Variants in TNFSF13B observed in about 807,000 individuals in gnomAD.
TNFSF13B encodes the protein TNF superfamily member 13b, also known as tumor necrosis factor ligand superfamily member 13B.
TNFSF13B carries 8 observed loss-of-function variants against 29.1 expected under a neutral mutation model. That is an observed-to-expected ratio of 0.27 (90% CI 0.16 to 0.50). The LOEUF (loss-of-function observed/expected upper bound fraction) is 0.50. TNFSF13B is among the 20% of genes least tolerant of loss of function. The pLI is 0.98. For missense variants in TNFSF13B, 248 were observed against 334.9 expected (o/e 0.74, Z 2.03); for synonymous variants, 125 against 130.8 (o/e 0.96, Z 0.30).
At chr13:108,304,701 A>G (rs1881722008) in intron 5 of TNFSF13B, among the ~76,000 whole-genome samples, 1 of 152,208 alleles carries the variant, frequency 6.6e-6, no homozygotes, top group South Asian at 2.1e-4. Context: ...GAGGCTGGCT[A>G]TGCATTTTGA....
chr13:108,294,273 G>A (rs1881405884), intron 3 of TNFSF13B, among the ~76,000 whole-genome samples: 1 of 151,190 alleles, frequency 6.6e-6, no homozygotes, highest in South Asian at 2.1e-4. Flanking sequence ...TCTGCCTCCT[G>A]GGTTCAAGTG....
In TNFSF13B at chr13:108,270,147, G is replaced by C. The variant is rs1420493605; in HGVS notation, c.252G>C (p.Gln84His). The change falls in exon 1 of 6, where the codon CAG (glutamine) becomes CAC (histidine). Residue 84 changes from glutamine to histidine, a missense_variant. Around this residue, in one of 2 missense-constraint regions of TNFSF13B, gnomAD observed 186 missense variants for 196.3 expected, o/e 0.95. Transcript: ENST00000375887. Reference sequence around the variant, plus strand: ...TGGCCAGCCTCCGGGCAGAGCTGCAGGGCCACCACGCGGAGAAGCTGCCAG... The same window carrying C: ...TGGCCAGCCTCCGGGCAGAGCTGCACGGCCACCACGCGGAGAAGCTGCCAG... ...GDLASLRAEL[Q>H]GHHAEKLPAG... The C allele has an allele frequency of 6.2e-7, 1 of 1,602,116 alleles. No individual in the cohort carries two copies.
chr13:108,286,725 TG>T, intron 2 of TNFSF13B, 77 bp from the exon 3 acceptor site: 1 of 853,282 alleles, frequency 1.2e-6, no homozygotes, highest in Non-Finnish European at 1.8e-6. Context: ...TCTGGAAGAG[TG>T]GGTTTCTAGC....
chr13:108,298,789 T>A (rs1452527531), intron 3 of TNFSF13B, among the ~76,000 whole-genome samples: 2 of 144,998 alleles, frequency 1.4e-5, no homozygotes, highest in African/African-American at 2.6e-5. Flanking sequence ...CTGGCCAATA[T>A]GGTGAAACCC....
chr13:108,300,455 A>C (rs891323061), intron 3 of TNFSF13B, among the ~76,000 whole-genome samples: 7 of 152,132 alleles, frequency 4.6e-5, no homozygotes, highest in Non-Finnish European at 5.9e-5. Flanking sequence ...TCATTAAACT[A>C]TGAAAGCAAC....
intron 5 of TNFSF13B, among the ~76,000 whole-genome samples, chr13:108,305,162 A>G (rs1325087787): frequency 1.3e-5 from 2 of 152,070 alleles, no homozygotes; most frequent in Non-Finnish European, 2.9e-5. Context: ...TATGAGTACC[A>G]TCCTCTAGTA....
chr13:108,270,019 T>G lies in TNFSF13B; in HGVS notation c.124T>G (p.Ser42Ala). The G allele has an allele frequency of 6.2e-7, 1 of 1,612,716 alleles. No individual in the cohort carries two copies. Among genetic ancestry groups the G allele is most frequent in the Non-Finnish European group, 8.5e-7 (1 of 1,179,990 alleles). Reference protein sequence around the residue: ...PRKESPSVRSSKDGKLLAATL... With the variant: ...PRKESPSVRSAKDGKLLAATL... ...GAAGGAAAGCCCCTCTGTCCGATCC[T>G]CCAAAGACGGAAAGCTGCTGGCTGC... The change falls in exon 1 of 6, where the codon TCC (serine) becomes GCC (alanine). Residue 42 changes from serine (S) to alanine (A), a missense_variant. Coordinates refer to ENST00000375887, the MANE Select transcript of TNFSF13B (RefSeq NM_006573.5).
intron 2 of TNFSF13B, among the ~76,000 whole-genome samples, chr13:108,271,139 G>A (rs1172578153): frequency 1.3e-5 from 2 of 151,832 alleles, no homozygotes; most frequent in African/African-American, 2.4e-5. Flanking sequence ...CAAAATGATC[G>A]ATTCTAGTTC....
intron 3 of TNFSF13B, among the ~76,000 whole-genome samples, chr13:108,293,175 G>T (rs1414199859): frequency 1.3e-5 from 2 of 152,046 alleles, no homozygotes; most frequent in Admixed American, 1.3e-4. Flanking sequence ...TGTTGAAGAA[G>T]ATGATTTCTT....
chr13:108,296,538 T>A (rs1881462645), intron 3 of TNFSF13B, among the ~76,000 whole-genome samples: 1 of 145,374 alleles, frequency 6.9e-6, no homozygotes, highest in South Asian at 2.1e-4. Flanking sequence ...AGATCATGAG[T>A]TTGGGCTTTT....
intron 2 of TNFSF13B, among the ~76,000 whole-genome samples, chr13:108,273,188 C>A (rs995765140): frequency 2.6e-5 from 4 of 151,902 alleles, no homozygotes; most frequent in Non-Finnish European, 5.9e-5. Flanking sequence ...CACAGTTGAG[C>A]CTTGAACAAC....
intron 3 of TNFSF13B, among the ~76,000 whole-genome samples, chr13:108,288,329 T>A (rs553159103): frequency 6.6e-6 from 1 of 152,190 alleles, no homozygotes; most frequent in Non-Finnish European, 1.5e-5. Context: ...GACTAAAATA[T>A]GCACAAATGC....
intron 2 of TNFSF13B, among the ~76,000 whole-genome samples, chr13:108,272,050 C>G (rs1566396552): frequency 6.6e-6 from 1 of 152,066 alleles, no homozygotes; most frequent in East Asian, 1.9e-4. Flanking sequence ...ATGTGGTGTA[C>G]CGGTTCTCCA....
At chr13:108,290,972 TCA>T (rs1435964244) in intron 3 of TNFSF13B, among the ~76,000 whole-genome samples, 1 of 151,988 alleles carries the variant, frequency 6.6e-6, no homozygotes, top group Non-Finnish European at 1.5e-5. Context: ...TGTGAGGGCA[TCA>T]CAGTCTTTTT....
intron 2 of TNFSF13B, among the ~76,000 whole-genome samples, chr13:108,271,414 G>C (rs1019684763): frequency 7.1e-6 from 1 of 140,782 alleles, no homozygotes; most frequent in East Asian, 2.3e-4. Context: ...CATAAGAAAT[G>C]TAGTGAGAGA....
chr13:108,279,785 G>A (rs1464174375), intron 2 of TNFSF13B, among the ~76,000 whole-genome samples: 1 of 152,150 alleles, frequency 6.6e-6, no homozygotes. Context: ...AATTTAGGCT[G>A]CTATGCTCCT....
intron 5 of TNFSF13B, among the ~76,000 whole-genome samples, 176 bp downstream of exon 5, chr13:108,303,780 T>C (rs545474041): frequency 6.6e-6 from 1 of 152,320 alleles, no homozygotes; most frequent in African/African-American, 2.4e-5. Flanking sequence ...CTGTTTTAAT[T>C]GAGAAAGATG....
intron 3 of TNFSF13B, among the ~76,000 whole-genome samples, chr13:108,290,608 T>C (rs187304251): frequency 1.3e-5 from 2 of 152,278 alleles, no homozygotes; most frequent in East Asian, 3.9e-4. Context: ...GAGCCATCTG[T>C]TCATATTTTT....
At chr13:108,296,883 C>G (rs957622470) in intron 3 of TNFSF13B, among the ~76,000 whole-genome samples, 1 of 145,194 alleles carries the variant, frequency 6.9e-6, no homozygotes, top group Non-Finnish European at 1.5e-5. Context: ...GTTATTGTCA[C>G]AAAATATACG....
Sources: gnomAD v4.1 joint callset for allele counts (sites outside exome capture counted in the v4.1 genomes callset) on GRCh38, gnomAD v4.1.1 for gene constraint, gnomAD v4.1.1 regional missense constraint, MANE v1.5 for transcripts, NCBI Gene and HGNC (gene_info 2026-07-23, HGNC 2026-07-21) for gene names.